The following TMEM132B variants were observed in gnomAD, a reference collection of about 807,000 sequenced individuals.
The protein encoded by TMEM132B is transmembrane protein 132B.
Under a neutral mutation model 90.8 loss-of-function variants are expected in TMEM132B, and 18 were observed. That is an observed-to-expected ratio of 0.20 (90% CI 0.14 to 0.29). The LOEUF is 0.29. TMEM132B is among the 10% of genes least tolerant of loss of function. TMEM132B has a pLI of 1.00. For missense variants in TMEM132B, 1,096 were observed against 1,326.8 expected (o/e 0.83, Z 2.70); for synonymous variants, 504 against 523.3 (o/e 0.96, Z 0.50).
intron 3 of TMEM132B, among the ~76,000 whole-genome samples, chr12:125,507,887 A>C (rs1051057101): frequency 6.6e-6 from 1 of 152,166 alleles, no homozygotes; most frequent in Non-Finnish European, 1.5e-5. Flanking sequence ...AGTGGTGGTG[A>C]GAGTGGACAC....
chr12:125,650,211 T>A (rs1256875159), intron 6 of TMEM132B, among the ~76,000 whole-genome samples: 2 of 152,070 alleles, frequency 1.3e-5, no homozygotes, highest in African/African-American at 2.4e-5. Context: ...TTGGTCCTCA[T>A]GTGGTACTAT....
chr12:125,639,936 T>G (rs1886585363), intron 5 of TMEM132B, among the ~76,000 whole-genome samples: 1 of 152,112 alleles, frequency 6.6e-6, no homozygotes, highest in South Asian at 2.1e-4. Flanking sequence ...ATAAAACGCC[T>G]CAAAGTCGGG....
chr12:125,347,168 C>A (rs988581889), intron 1 of TMEM132B, among the ~76,000 whole-genome samples: 8 of 152,212 alleles, frequency 5.3e-5, no homozygotes, highest in Admixed American at 2.6e-4. Flanking sequence ...TCCTCCAGAG[C>A]TTCCGATTGG....
At position 125,662,314 on chromosome 12, in the gene TMEM132B, T is replaced by C. The variant is rs1229537797; in HGVS notation, c.*7604T>C. ...TATGTTCCACCGTATATTTAATGTC[T>C]CTGTAAAGGCACTTCCAAACATTTT... On this transcript the variant is annotated 3_prime_UTR_variant, in exon 9 of 9. Transcript: ENST00000682704. 1 of 152,242 alleles carries C rather than the reference T, an allele frequency of 6.6e-6. No homozygotes were observed. Among genetic ancestry groups the C allele is most frequent in the Non-Finnish European group, 1.5e-5 (1 of 68,044 alleles). The allele number at this position is 152,242 out of a possible 1,614,324, so 9.4% of individuals were successfully genotyped here.
chr12:125,310,276 C>T (rs577219665), intron 1 of TMEM132B, among the ~76,000 whole-genome samples: 8 of 152,342 alleles, frequency 5.3e-5, no homozygotes, highest in Non-Finnish European at 1.0e-4. Flanking sequence ...TTCCTGCACA[C>T]GTGTCCAGCC....
At chr12:125,436,708 A>T (rs1423268881) in intron 3 of TMEM132B, among the ~76,000 whole-genome samples, 1 of 152,190 alleles carries the variant, frequency 6.6e-6, no homozygotes, top group East Asian at 1.9e-4. Flanking sequence ...ACTTCAAGGG[A>T]ATAAATTTCT....
chr12:125,642,687 G>T lies in TMEM132B; in HGVS notation c.1438-1389G>T, dbSNP rs141616875. On this transcript the variant is annotated intron_variant, in intron 5 of 8. Transcript: ENST00000682704. Reference sequence around the variant, plus strand: ...TGTGGACTGGGATTATCAAGTCAAAGTCTCAATGATTTCAGCAGATCTCCC... The same window carrying T: ...TGTGGACTGGGATTATCAAGTCAAATTCTCAATGATTTCAGCAGATCTCCC... Among the ~76,000 whole-genome samples the T allele has an allele frequency of 3.6e-3, 553 of 152,294 alleles. 4 individuals are homozygous for T. The highest frequency in any genetic ancestry group is 0.013 in the African/African-American group (528 of 41,570).
At chr12:125,628,271 G>T (rs968110901) in intron 5 of TMEM132B, among the ~76,000 whole-genome samples, 1 of 152,126 alleles carries the variant, frequency 6.6e-6, no homozygotes, top group Non-Finnish European at 1.5e-5. Context: ...TATCAGGAGT[G>T]TACAAGGGTT....
At chr12:125,193,191 G>A (rs560640464) in intron 1 of TMEM132B, among the ~76,000 whole-genome samples, 1 of 152,300 alleles carries the variant, frequency 6.6e-6, no homozygotes, top group South Asian at 2.1e-4. Flanking sequence ...AGGATTTCAT[G>A]GGATTCTTGG....
chr12:125,432,913 T>G (rs536752407), intron 3 of TMEM132B, among the ~76,000 whole-genome samples: 33 of 152,168 alleles, frequency 2.2e-4, no homozygotes, highest in Non-Finnish European at 4.4e-4. Flanking sequence ...CAGACACACT[T>G]CGTAGTTCAC....
chr12:125,569,685 C>A (rs750812797), intron 4 of TMEM132B, among the ~76,000 whole-genome samples: 142 of 152,126 alleles, frequency 9.3e-4, no homozygotes, highest in Non-Finnish European at 1.8e-3. Context: ...TCCTGGAATC[C>A]AAGGGCAGGG....
intron 2 of TMEM132B, among the ~76,000 whole-genome samples, chr12:125,351,337 T>G (rs913397045): frequency 6.6e-6 from 1 of 152,186 alleles, no homozygotes; most frequent in Non-Finnish European, 1.5e-5. Flanking sequence ...ATGATCATGT[T>G]GAAGCTTGAG....
chr12:125,365,279 G>A (rs1444568959), intron 2 of TMEM132B, among the ~76,000 whole-genome samples: 1 of 151,860 alleles, frequency 6.6e-6, no homozygotes, highest in Admixed American at 6.6e-5. Flanking sequence ...AGTCTATTTT[G>A]AGATAGACTT....
At chr12:125,187,966 A>G (rs754708359) in intron 1 of TMEM132B, among the ~76,000 whole-genome samples, 70 of 152,232 alleles carry the variant, frequency 4.6e-4, no homozygotes, top group Non-Finnish European at 9.3e-4. Context: ...CAAATCGCAC[A>G]GACAGGCAGA....
intron 3 of TMEM132B, among the ~76,000 whole-genome samples, chr12:125,512,382 A>G (rs1245858144): frequency 6.6e-6 from 1 of 152,222 alleles, no homozygotes; most frequent in Non-Finnish European, 1.5e-5. Context: ...TTTGTAAAAC[A>G]TGATAGTGGG....
intron 3 of TMEM132B, among the ~76,000 whole-genome samples, chr12:125,453,096 C>G (rs2136454006): frequency 6.6e-6 from 1 of 152,062 alleles, no homozygotes; most frequent in Non-Finnish European, 1.5e-5. Flanking sequence ...CACACACACA[C>G]ACACACACAC....
chr12:125,490,841 C>T lies in TMEM132B; in HGVS notation c.1107-28598C>T, dbSNP rs751852716. ...AGTACTCTATGGTGAAAGCAATGTG[C>T]CACTTAAAAGACTAGGTCTCAAAAA... On this transcript the variant is annotated intron_variant, in intron 3 of 8. Transcript: ENST00000682704. This position sits in a 1 kb window ranked among gnomAD's most constrained non-coding sequence, Gnocchi z 4.2. Among the ~76,000 whole-genome samples the T allele has an allele frequency of 7.2e-5, 11 of 152,190 alleles. No individual in the cohort carries two copies. Among genetic ancestry groups the T allele is most frequent in the Admixed American group, 2.0e-4 (3 of 15,274 alleles).
At chr12:125,528,622 T>C (rs1883558298) in intron 4 of TMEM132B, among the ~76,000 whole-genome samples, 1 of 152,188 alleles carries the variant, frequency 6.6e-6, no homozygotes, top group African/African-American at 2.4e-5. Flanking sequence ...GACTGATGAA[T>C]GCAAGAAACA....
In TMEM132B at chr12:125,404,541, C is replaced by T. The variant is rs145046933; in HGVS notation, c.960-10990C>T. On this transcript the variant is annotated intron_variant, in intron 2 of 8. Coordinates refer to ENST00000682704, the MANE Select transcript of TMEM132B (RefSeq NM_001366854.1). ...TTCATTGTTAGGAAATTAATAATAG[C>T]TAATGCTGATCCACGTCTTTGTTCC... is the stretch of plus-strand genomic sequence containing the variant. 2.4e-4 allele frequency among the ~76,000 whole-genome samples: 37 copies of T among 152,304 alleles called. 1 individual carries two copies. The highest frequency in any genetic ancestry group is 8.7e-4 in the African/African-American group (36 of 41,552).
Sources: gnomAD v4.1 joint callset for allele counts (sites outside exome capture counted in the v4.1 genomes callset) on GRCh38, gnomAD v4.1.1 for gene constraint, Gnocchi (gnomAD v3.1) non-coding constraint, MANE v1.5 for transcripts, NCBI Gene and HGNC (gene_info 2026-07-23, HGNC 2026-07-21) for gene names.